The following SCUBE2 variants were observed in gnomAD, a reference collection of about 807,000 sequenced individuals.
SCUBE2 encodes the protein signal peptide, CUB domain and EGF like domain containing 2, also known as signal peptide, CUB and EGF-like domain-containing protein 2.
Under a neutral mutation model 125.9 loss-of-function variants are expected in SCUBE2, and 114 were observed. The observed-to-expected ratio is 0.91, with a 90% confidence interval of 0.78 to 1.06. SCUBE2 has a LOEUF of 1.06. Ranked by LOEUF, SCUBE2 falls within the 50% of genes least tolerant of loss-of-function variation. The pLI is 0.00. For missense variants in SCUBE2, 1,255 were observed against 1,301.8 expected, an observed-to-expected ratio of 0.96 and a Z score of 0.55; for synonymous variants, 459 against 492.9, an observed-to-expected ratio of 0.93 and a Z score of 0.91.
At chr11:9,024,124 A>G (rs1855532702) in intron 21 of SCUBE2, 1 of 783,170 alleles carries the variant, frequency 1.3e-6, no homozygotes, top group Non-Finnish European at 1.6e-6. Flanking sequence ...ACACTGCATT[A>G]TGCGTAATTT....
intron 2 of SCUBE2, among the ~76,000 whole-genome samples, 184 bp from the exon 3 acceptor site, chr11:9,079,693 A>G (rs1385661311): frequency 6.6e-6 from 1 of 152,200 alleles, no homozygotes; most frequent in Non-Finnish European, 1.5e-5. Flanking sequence ...TACTGTAAAC[A>G]ACCTAAGTTT....
intron 19 of SCUBE2, among the ~76,000 whole-genome samples, chr11:9,029,443 C>A (rs1207883539): frequency 6.6e-6 from 1 of 152,254 alleles, no homozygotes; most frequent in Admixed American, 6.5e-5. Context: ...CCTCCAGAAG[C>A]CTTTCCTCAT....
intron 20 of SCUBE2, chr11:9,027,032 A>C (rs61876294): frequency 6.4e-6 from 2 of 312,796 alleles, no homozygotes. Flanking sequence ...CCAAGCCATC[A>C]GTTGCAACTC....
Position 9,091,481 on chromosome 11 carries a change from CAG to C in SCUBE2, c.46_47del (p.Leu16AlafsTer32). 1.6e-6 allele frequency: 2 copies of C among 1,238,560 alleles called. No individual in the cohort carries two copies. The highest frequency in any genetic ancestry group is 2.1e-6 in the Non-Finnish European group (2 of 960,888). 76.7% of individuals were successfully genotyped at this position (1,238,560 alleles called of 1,614,324 possible). A position where few individuals can be genotyped will look rare whatever the true frequency, so the allele number is the denominator to read the frequency against. On this transcript the variant is annotated frameshift_variant, in exon 1 of 23. Coordinates refer to ENST00000649792, the MANE Select transcript of SCUBE2 (RefSeq NM_001367977.2). LOFTEE classifies it high-confidence loss of function. This position sits in a 1 kb window ranked among gnomAD's most constrained non-coding sequence, Gnocchi z 8.5. ...RNRPGAAWAV[L>X]LLLLLLPPLL... ...GTGGCGGCAGCAGCAGCAGCAGCAG[CAG>C]CACCGCCCAGGCCGCCCCGGGACGG...
chr11:9,069,277 G>A lies in SCUBE2; in HGVS notation c.643+93C>T, dbSNP rs566368481. 309 of 1,527,588 alleles carry A rather than the reference G, an allele frequency of 2.0e-4. 2 individuals are homozygous for A. In the South Asian group the frequency reaches 2.6e-3, roughly 13 times the overall value. The allele number at this position is 1,527,588 out of a possible 1,614,324, so 94.6% of individuals were successfully genotyped here. A position where few individuals can be genotyped will look rare whatever the true frequency, so the allele number is the denominator to read the frequency against. On this transcript the variant is annotated intron_variant, in intron 5 of 22. Transcript: ENST00000649792. ...AACTGCCTTCCCTGCTGCTGCAGCCGTGCCATGAGGTGGTGCTTCTGAGCT... is the reference window on the plus strand; with the variant it reads ...AACTGCCTTCCCTGCTGCTGCAGCCATGCCATGAGGTGGTGCTTCTGAGCT...
chr11:9,089,912 A>C, intron 1 of SCUBE2, 83 bp from the exon 2 acceptor site: 5 of 1,518,588 alleles, frequency 3.3e-6, no homozygotes, highest in Non-Finnish European at 4.4e-6. Flanking sequence ...CATCATCCTC[A>C]CCAGCCCACC....
intron 1 of SCUBE2, chr11:9,090,512 T>A (rs1395033417): frequency 6.7e-6 from 1 of 150,326 alleles, no homozygotes; most frequent in Non-Finnish European, 1.5e-5. Context: ...GCTCATCAGC[T>A]GTCGTTTGTG....
At position 9,020,658 on chromosome 11, in the gene SCUBE2, G is replaced by A. The variant is rs1380364290; in HGVS notation, c.*387C>T. The A allele has an allele frequency of 6.5e-6, 1 of 154,412 alleles. No individual in the cohort carries two copies. The highest frequency in any genetic ancestry group is 2.4e-5 in the African/African-American group (1 of 41,504). 9.6% of individuals were successfully genotyped at this position (154,412 alleles called of 1,614,324 possible). On this transcript the variant is annotated 3_prime_UTR_variant, in exon 23 of 23. Transcript: ENST00000649792. ...AGAGAGGGCCGGGCTAGAGGAAGCTGAAGTTTCAGAATAAGCAGCTTATTC... is the reference window on the plus strand; with the variant it reads ...AGAGAGGGCCGGGCTAGAGGAAGCTAAAGTTTCAGAATAAGCAGCTTATTC...
intron 3 of SCUBE2, among the ~76,000 whole-genome samples, chr11:9,076,675 C>T (rs1409986155): frequency 2.0e-5 from 3 of 152,142 alleles, no homozygotes; most frequent in Non-Finnish European, 4.4e-5. Context: ...AGCTCCTGGG[C>T]ATATCCATAA....
intron 10 of SCUBE2, among the ~76,000 whole-genome samples, chr11:9,053,988 C>A (rs1268300436): frequency 7.6e-6 from 1 of 132,280 alleles, no homozygotes; most frequent in Non-Finnish European, 1.6e-5. Flanking sequence ...TCAAGCTCCA[C>A]TCTTTTTTTT....
intron 2 of SCUBE2, among the ~76,000 whole-genome samples, chr11:9,081,502 A>T (rs1189428824): frequency 6.6e-6 from 1 of 152,098 alleles, no homozygotes; most frequent in African/African-American, 2.4e-5. Context: ...AGATTCCACC[A>T]TGTTGTAGCA....
intron 16 of SCUBE2, among the ~76,000 whole-genome samples, chr11:9,041,621 G>A (rs1033282186): frequency 2.6e-5 from 4 of 152,212 alleles, no homozygotes; most frequent in Non-Finnish European, 5.9e-5. Context: ...CATCACAGAG[G>A]TGGTTAGGAA....
rs760148797 is a variant in SCUBE2, at chr11:9,065,945, T to C, written c.796A>G (p.Asn266Asp). 6.2e-7 allele frequency: 1 copy of C among 1,614,182 alleles called. No homozygotes were observed. The highest frequency in any genetic ancestry group is 8.5e-7 in the Non-Finnish European group (1 of 1,179,984). ...TCCCCATCCACCACTGATGTGGTGT[T>C]GCTCTCTGTCACCTCCAGGACAGTG... ...EDTVLEVTES[N>D]TTSVVDGDKR... Residue 266 changes from asparagine (N) to aspartate (D), a missense_variant, in exon 7 of 23, where the codon AAC (asparagine) becomes GAC (aspartate). Transcript: ENST00000649792.
rs766809323 is a variant in SCUBE2, at chr11:9,025,717, A to G, written c.2839T>C (p.Tyr947His). 3 of 1,614,110 alleles carry G rather than the reference A, an allele frequency of 1.9e-6. No individual in the cohort carries two copies. The highest frequency in any genetic ancestry group is 2.5e-6 in the Non-Finnish European group (3 of 1,180,014). ...CTGTGCTTACCATCATATGTCACGT[A>G]TGGGACCTGGAACCCTCTAGCGCTG... ...GNSARGFQVP[Y>H]VTYDEDYQEL... The change falls in exon 21 of 23, where the codon TAC becomes CAC. Residue 947 changes from tyrosine (Y) to histidine (H), a missense_variant. Coordinates refer to ENST00000649792, the MANE Select transcript of SCUBE2 (RefSeq NM_001367977.2).
intron 13 of SCUBE2, among the ~76,000 whole-genome samples, chr11:9,052,539 A>C (rs1858521853): frequency 6.6e-6 from 1 of 152,238 alleles, no homozygotes; most frequent in African/African-American, 2.4e-5. Context: ...CTCCTGACAC[A>C]CAGTGGCCAC....
In SCUBE2 at chr11:9,087,652, C is replaced by G. The variant is rs548680607; in HGVS notation, c.256+2055G>C. 9.1e-4 allele frequency among the ~76,000 whole-genome samples: 139 copies of G among 152,326 alleles called. 1 individual carries two copies. The Middle Eastern group carries it at 0.014, about 15-fold the overall frequency. ...CGGTGGGAGCCTCACTCCTCATGCA[C>G]AAAGGGGAGCTCCCTGAATGATATC... On this transcript the variant is annotated intron_variant, in intron 2 of 22. Coordinates refer to ENST00000649792, the MANE Select transcript of SCUBE2 (RefSeq NM_001367977.2).
intron 21 of SCUBE2, among the ~76,000 whole-genome samples, chr11:9,023,118 T>C (rs1475528973): frequency 6.6e-6 from 1 of 152,208 alleles, no homozygotes; most frequent in East Asian, 1.9e-4. Context: ...ATAGGCATCA[T>C]TCAAATTAAG....
chr11:9,025,737 G>A lies in SCUBE2; in HGVS notation c.2819C>T (p.Ala940Val), dbSNP rs145135387. The A allele has an allele frequency of 5.4e-5, 87 of 1,614,164 alleles. 1 individual carries two copies. In the South Asian group the frequency reaches 8.0e-4, roughly 15 times the overall value. ...CACGTATGGGACCTGGAACCCTCTA[G>A]CGCTGTTCCCTTCATTGGACTTGAA... is the stretch of plus-strand genomic sequence containing the variant. The part of the protein sequence containing the change: ...IQFKSNEGNS[A>V]RGFQVPYVTY... The change falls in exon 21 of 23, where the codon GCT (alanine) becomes GTT (valine). Residue 940 changes from alanine to valine, a missense_variant. Ala to Val is a moderately conservative substitution (Grantham distance 64). This residue lies in a region of SCUBE2 where 515 missense variants were observed against 515.7 expected (regional missense o/e 1.00). Coordinates refer to ENST00000649792, the MANE Select transcript of SCUBE2 (RefSeq NM_001367977.2).
intron 7 of SCUBE2, chr11:9,064,411 A>G (rs1315755939): frequency 6.6e-6 from 1 of 151,390 alleles, no homozygotes; most frequent in Non-Finnish European, 1.5e-5. Context: ...GGTTGCAGTG[A>G]GATATGATCA....
Sources: gnomAD v4.1 joint callset for allele counts (sites outside exome capture counted in the v4.1 genomes callset) on GRCh38, gnomAD v4.1.1 for gene constraint, gnomAD v4.1.1 regional missense constraint, Gnocchi (gnomAD v3.1) non-coding constraint, MANE v1.5 for transcripts, NCBI Gene and HGNC (gene_info 2026-07-23, HGNC 2026-07-21) for gene names.